SORCS1: variants seen among roughly 807,000 people sequenced by gnomAD.
SORCS1 encodes VPS10 domain-containing receptor SorCS1.
SORCS1 carries 60 observed loss-of-function variants against 146.1 expected under a neutral mutation model. The observed-to-expected ratio is 0.41, with a 90% confidence interval of 0.33 to 0.51. The LOEUF is 0.51. SORCS1 is among the 20% of genes least tolerant of loss of function. SORCS1 has a pLI of 0.21. For missense variants in SORCS1, 1,352 were observed against 1,487.6 expected, an observed-to-expected ratio of 0.91 and a Z score of 1.50; for synonymous variants, 637 against 584.0, an observed-to-expected ratio of 1.09 and a Z score of -1.31.
At position 107,111,001 on chromosome 10, in the gene SORCS1, G is replaced by A. The variant is rs1965658594; in HGVS notation, c.558+52968C>T. Among the ~76,000 whole-genome samples, 3 of 152,152 alleles carry A rather than the reference G, an allele frequency of 2.0e-5. No homozygotes were observed. In the South Asian group the frequency reaches 6.2e-4, roughly 32 times the overall value. On this transcript the variant is annotated intron_variant, in intron 1 of 25. Coordinates refer to ENST00000263054, the MANE Select transcript of SORCS1 (RefSeq NM_052918.5). The stretch of plus-strand genomic sequence containing the variant: ...TGTGGGTCCCCTCGTGGACTCATGT[G>A]ATCCAGCTCAATCGCCACAAGACTG...
At chr10:106,825,526 C>G (rs1294617586) in intron 3 of SORCS1, among the ~76,000 whole-genome samples, 1 of 152,088 alleles carries the variant, frequency 6.6e-6, no homozygotes, top group African/African-American at 2.4e-5. Flanking sequence ...CCCGCCTCGG[C>G]CTCCCATAGT....
chr10:106,935,174 G>A (rs894492238), intron 2 of SORCS1, among the ~76,000 whole-genome samples: 6 of 152,122 alleles, frequency 3.9e-5, no homozygotes, highest in African/African-American at 1.2e-4. Context: ...TTTATAGTTA[G>A]CTCTTTTCCC....
At chr10:107,086,123 C>T (rs1275901257) in intron 1 of SORCS1, among the ~76,000 whole-genome samples, 1 of 152,212 alleles carries the variant, frequency 6.6e-6, no homozygotes, top group Non-Finnish European at 1.5e-5. Flanking sequence ...CGTCTAAGCA[C>T]AATACCTACA....
intron 1 of SORCS1, among the ~76,000 whole-genome samples, chr10:107,104,812 T>C (rs1390883059): frequency 6.6e-6 from 1 of 152,194 alleles, no homozygotes; most frequent in African/African-American, 2.4e-5. Context: ...CACGTGAGGT[T>C]CTAAGTTATA....
intron 2 of SORCS1, among the ~76,000 whole-genome samples, chr10:106,830,633 C>G (rs1313708534): frequency 6.7e-6 from 1 of 149,484 alleles, no homozygotes; most frequent in African/African-American, 2.5e-5. Flanking sequence ...CAGTGGCTCA[C>G]GCCTGTAATA....
At position 106,959,671 on chromosome 10, in the gene SORCS1, T is replaced by A. The variant is rs1052218948; in HGVS notation, c.559-3091A>T. ...CTCAAAATGGGGCAAAATGAAGCTG[T>A]TTTGTTTGCTTTCGTTTTTGTTTTG... On this transcript the variant is annotated intron_variant, in intron 1 of 25. Transcript: ENST00000263054. 2.0e-5 allele frequency among the ~76,000 whole-genome samples: 3 copies of A among 152,192 alleles called. No homozygotes were observed. In the East Asian group the frequency reaches 5.8e-4, roughly 29 times the overall value.
intron 1 of SORCS1, among the ~76,000 whole-genome samples, 200 bp downstream of exon 1, chr10:107,163,769 T>G (rs949988535): frequency 1.3e-5 from 2 of 152,190 alleles, no homozygotes; most frequent in Non-Finnish European, 2.9e-5. Flanking sequence ...GAGAGGACTC[T>G]GATGGTGTTG....
chr10:106,868,594 T>G (rs186033201), intron 2 of SORCS1, among the ~76,000 whole-genome samples: 1 of 152,142 alleles, frequency 6.6e-6, no homozygotes, highest in Non-Finnish European at 1.5e-5. Flanking sequence ...TGAATCACTT[T>G]TGGGTAAATA....
chr10:107,164,502 C>G lies in SORCS1; in HGVS notation c.25G>C (p.Gly9Arg). 1 of 1,345,924 alleles carries G rather than the reference C, an allele frequency of 7.4e-7. No individual in the cohort carries two copies. Among genetic ancestry groups the G allele is most frequent in the Non-Finnish European group, 9.5e-7 (1 of 1,055,656 alleles). 83.4% of individuals were successfully genotyped at this position (1,345,924 alleles called of 1,614,324 possible). Reference sequence around the variant, plus strand: ...AGCGCGCTCAGCCGGGCTTGGGAGCCGCCGCCGGCGCCAACTTTTCCCATC... The same window carrying G: ...AGCGCGCTCAGCCGGGCTTGGGAGCGGCCGCCGGCGCCAACTTTTCCCATC... MGKVGAGG[G>R]SQARLSALLA... Residue 9 changes from glycine to arginine, a missense_variant, in exon 1 of 26, where the codon GGC becomes CGC. Transcript: ENST00000263054. The surrounding 1 kb of genome is among the most constrained non-coding windows in gnomAD (Gnocchi z 6.8).
the SORCS1 span, among the ~76,000 whole-genome samples, chr10:107,179,951 CTG>C: frequency 3.6e-5 from 4 of 112,378 alleles, no homozygotes; most frequent in African/African-American, 1.0e-4. Context: ...GGGTCTCTCT[CTG>C]TCACCCAGGC....
intron 1 of SORCS1, among the ~76,000 whole-genome samples, chr10:107,024,384 C>A (rs1958301071): frequency 6.6e-6 from 1 of 151,926 alleles, no homozygotes; most frequent in Non-Finnish European, 1.5e-5. Flanking sequence ...TTTTTAACAA[C>A]CAGCTCTCAT....
intron 10 of SORCS1, 44 bp downstream of exon 10, chr10:106,688,148 T>C (rs763841393): frequency 2.5e-6 from 4 of 1,590,846 alleles, no homozygotes; most frequent in South Asian, 1.1e-5. Flanking sequence ...TCCATTTCCA[T>C]CCCTCTACTG....
intron 2 of SORCS1, among the ~76,000 whole-genome samples, chr10:106,936,853 T>C (rs922626956): frequency 1.3e-5 from 2 of 152,246 alleles, no homozygotes; most frequent in Non-Finnish European, 2.9e-5. Context: ...TAGGAAACTA[T>C]TCTTCAAGGA....
intron 3 of SORCS1, among the ~76,000 whole-genome samples, chr10:106,788,423 T>A (rs576023397): frequency 1.2e-4 from 18 of 152,260 alleles, no homozygotes; most frequent in African/African-American, 4.3e-4. Context: ...ACAAATCAAG[T>A]CCCTTCTGCC....
In SORCS1 at chr10:106,864,461, C is replaced by T. The variant is rs1383808245; in HGVS notation, c.627-34788G>A. 2.6e-5 allele frequency among the ~76,000 whole-genome samples: 4 copies of T among 152,150 alleles called. No individual in the cohort carries two copies. The East Asian group carries it at 7.7e-4, about 29-fold the overall frequency. Reference sequence around the variant, plus strand: ...CACACAGAGCTAAGTGGGGGCTTAGCAGAGCAGCCACTCGAGCACATGCAG... The same window carrying T: ...CACACAGAGCTAAGTGGGGGCTTAGTAGAGCAGCCACTCGAGCACATGCAG... On this transcript the variant is annotated intron_variant, in intron 2 of 25. Coordinates refer to ENST00000263054, the MANE Select transcript of SORCS1 (RefSeq NM_052918.5).
chr10:106,852,542 C>T (rs1279041486), intron 2 of SORCS1, among the ~76,000 whole-genome samples: 2 of 148,998 alleles, frequency 1.3e-5, no homozygotes, highest in African/African-American at 4.9e-5. Context: ...GCAGGAGAAT[C>T]ACTTGAACCT....
chr10:106,856,906 C>T (rs141345314), intron 2 of SORCS1, among the ~76,000 whole-genome samples: 123 of 152,324 alleles, frequency 8.1e-4, no homozygotes, highest in Admixed American at 1.2e-3. Flanking sequence ...AGCATTTGTC[C>T]TGTGACTTCA....
At chr10:107,102,751 A>G (rs1413606711) in intron 1 of SORCS1, among the ~76,000 whole-genome samples, 1 of 152,236 alleles carries the variant, frequency 6.6e-6, no homozygotes, top group Admixed American at 6.5e-5. Flanking sequence ...TAGGCTAAAA[A>G]TGCACACACA....
intron 1 of SORCS1, among the ~76,000 whole-genome samples, chr10:107,068,813 T>A (rs1962152690): frequency 7.0e-6 from 1 of 143,024 alleles, no homozygotes; most frequent in Non-Finnish European, 1.5e-5. Flanking sequence ...GAGCTTGCAG[T>A]GAGAAGAGAT....
Sources: allele counts gnomAD v4.1 joint callset (sites outside exome capture counted in the v4.1 genomes callset), GRCh38; gene constraint gnomAD v4.1.1; non-coding constraint Gnocchi (gnomAD v3.1); transcripts MANE v1.5; gene names NCBI Gene and HGNC (gene_info 2026-07-23, HGNC 2026-07-21).